NCKAP5: variants seen among roughly 807,000 people sequenced by gnomAD.
NCKAP5 encodes nck-associated protein 5.
NCKAP5 carries 92 observed loss-of-function variants against 167.0 expected under a neutral mutation model. The ratio of observed to expected loss-of-function variants is 0.55; its 90% CI spans 0.47 to 0.66. The LOEUF is 0.66. Among genes scored for constraint, NCKAP5 ranks in the 30% least tolerant of loss-of-function variants. NCKAP5 has a pLI of 0.00. For synonymous variants in NCKAP5, 891 were observed against 877.4 expected, an observed-to-expected ratio of 1.02 and a Z score of -0.27; for missense variants, 2,378 against 2,315.0, an observed-to-expected ratio of 1.03 and a Z score of -0.56.
chr2:133,172,863 A>G (rs71413544), intron 5 of NCKAP5, among the ~76,000 whole-genome samples: 21,504 of 151,904 alleles, frequency 0.14, 1,702 homozygotes, highest in East Asian at 0.39. Flanking sequence ...TAGCCAGGGT[A>G]GTCTCGAGAG....
At chr2:133,214,350 G>A (rs757033042) in intron 4 of NCKAP5, among the ~76,000 whole-genome samples, 3 of 152,112 alleles carry the variant, frequency 2.0e-5, no homozygotes, top group Non-Finnish European at 4.4e-5. Context: ...GCCCAAAAAG[G>A]CTAATACACT....
intron 6 of NCKAP5, among the ~76,000 whole-genome samples, chr2:133,120,089 T>C (rs1474902043): frequency 6.6e-6 from 1 of 152,196 alleles, no homozygotes; most frequent in Non-Finnish European, 1.5e-5. Context: ...CGTATATTTC[T>C]GTCTTGAGAA....
chr2:133,396,736 A>G (rs559697461), intron 3 of NCKAP5, among the ~76,000 whole-genome samples: 1 of 152,272 alleles, frequency 6.6e-6, no homozygotes, highest in African/African-American at 2.4e-5. Context: ...ACAACATCAT[A>G]TTCTGAGGTT....
At chr2:132,705,470 C>A (rs1481713973) in intron 19 of NCKAP5, among the ~76,000 whole-genome samples, 1 of 152,116 alleles carries the variant, frequency 6.6e-6, no homozygotes, top group African/African-American at 2.4e-5. Flanking sequence ...AAGGTTAATT[C>A]TCAGTTCTTA....
rs151084274 is a variant in NCKAP5 at position 133,498,105 on chromosome 2, G to A, written c.69+19353C>T. On this transcript the variant is annotated intron_variant, in intron 3 of 19. Transcript: ENST00000409261. ...CTAGGTTTTAGTGATTTCGGTTTTT[G>A]TGAGGAAAAAAAGATATCCATAAGG... Among the ~76,000 whole-genome samples the A allele has an allele frequency of 2.6e-3, 395 of 152,234 alleles. 3 individuals carry two copies. Among genetic ancestry groups the A allele is most frequent in the Middle Eastern group, 6.8e-3 (2 of 294 alleles).
At chr2:132,674,635 AATAG>A (rs1374562012) in intron 19 of NCKAP5, among the ~76,000 whole-genome samples, 2 of 152,194 alleles carry the variant, frequency 1.3e-5, no homozygotes, top group African/African-American at 4.8e-5. Context: ...TGATTGGGAA[AATAG>A]ATATAGCCAA....
At chr2:132,983,058 A>T (rs1166953092) in intron 7 of NCKAP5, among the ~76,000 whole-genome samples, 2 of 151,950 alleles carry the variant, frequency 1.3e-5, no homozygotes, top group African/African-American at 2.4e-5. Context: ...ATTCCTAGGT[A>T]TTTTATGGCC....
At chr2:133,503,326 T>C (rs1314271119) in intron 3 of NCKAP5, among the ~76,000 whole-genome samples, 1 of 152,240 alleles carries the variant, frequency 6.6e-6, no homozygotes, top group African/African-American at 2.4e-5. Flanking sequence ...CAGTTCTTAC[T>C]GTTCTGGAGT....
intron 5 of NCKAP5, among the ~76,000 whole-genome samples, chr2:133,175,247 T>C (rs557431465): frequency 2.5e-4 from 38 of 152,352 alleles, no homozygotes; most frequent in Non-Finnish European, 4.6e-4. Flanking sequence ...TTTAATACCA[T>C]AGACATGTTA....
intron 6 of NCKAP5, among the ~76,000 whole-genome samples, chr2:133,061,401 T>C (rs536161859): frequency 6.6e-6 from 1 of 152,360 alleles, no homozygotes; most frequent in East Asian, 1.9e-4. Flanking sequence ...ACTCGCATTC[T>C]AGAAGAAGTT....
At chr2:132,843,506 CCACAGTTGTTTTCTTTA>C (rs1688445785) in intron 11 of NCKAP5, among the ~76,000 whole-genome samples, 1 of 151,890 alleles carries the variant, frequency 6.6e-6, no homozygotes, top group Non-Finnish European at 1.5e-5. Context: ...TGTAATTTCT[CCACAGTTGTTTTCTTTA>C]TATTAGCATT....
chr2:132,918,848 C>T (rs1314352863), intron 8 of NCKAP5, among the ~76,000 whole-genome samples: 1 of 152,214 alleles, frequency 6.6e-6, no homozygotes, highest in Middle Eastern at 3.2e-3. Flanking sequence ...AAATCACAAT[C>T]TGATGCCTAA....
intron 3 of NCKAP5, among the ~76,000 whole-genome samples, chr2:133,323,159 G>GA (rs1056701878): frequency 6.6e-6 from 1 of 152,210 alleles, no homozygotes. Context: ...TAAAAGTAGG[G>GA]AAAAATCTCA....
chr2:133,381,108 T>A (rs1473625131), intron 3 of NCKAP5, among the ~76,000 whole-genome samples: 2 of 152,190 alleles, frequency 1.3e-5, no homozygotes, highest in African/African-American at 4.8e-5. Flanking sequence ...AATTACTTGT[T>A]TTAACCATCA....
chr2:133,409,877 G>T (rs1253819052), intron 3 of NCKAP5, among the ~76,000 whole-genome samples: 1 of 152,134 alleles, frequency 6.6e-6, no homozygotes, highest in Non-Finnish European at 1.5e-5. Flanking sequence ...TAGACTTCTA[G>T]CCAAATGACC....
At chr2:133,253,210 G>A (rs1160483818) in intron 4 of NCKAP5, among the ~76,000 whole-genome samples, 1 of 152,224 alleles carries the variant, frequency 6.6e-6, no homozygotes, top group Non-Finnish European at 1.5e-5. Flanking sequence ...GTTCAGCTCT[G>A]TGGCTCAGAA....
chr2:133,496,107 C>A (rs746916016), intron 3 of NCKAP5, among the ~76,000 whole-genome samples: 1 of 152,128 alleles, frequency 6.6e-6, no homozygotes, highest in African/African-American at 2.4e-5. Context: ...GACATGCAGA[C>A]GTTACTTGCT....
chr2:133,296,985 G>A (rs1402565010), intron 4 of NCKAP5, among the ~76,000 whole-genome samples: 3 of 152,104 alleles, frequency 2.0e-5, no homozygotes, highest in Non-Finnish European at 4.4e-5. Flanking sequence ...TGTTAGGAAA[G>A]ACATTTTCAG....
intron 5 of NCKAP5, among the ~76,000 whole-genome samples, chr2:133,161,645 A>G (rs1403951771): frequency 1.3e-5 from 2 of 152,160 alleles, no homozygotes; most frequent in Non-Finnish European, 2.9e-5. Context: ...TAGCCCTGCA[A>G]CCCTTAGGTG....
Sources: gnomAD v4.1 joint callset for allele counts (sites outside exome capture counted in the v4.1 genomes callset) on GRCh38, gnomAD v4.1.1 for gene constraint, MANE v1.5 for transcripts, NCBI Gene and HGNC (gene_info 2026-07-23, HGNC 2026-07-21) for gene names.